Variants in CDH18 observed in about 807,000 individuals in gnomAD.
CDH18 encodes the protein cadherin 18, also known as cadherin-18.
CDH18 carries 31 observed loss-of-function variants against 67.9 expected under a neutral mutation model. That is an observed-to-expected ratio of 0.46 (90% CI 0.34 to 0.62). The LOEUF is 0.62. Ranked by LOEUF, CDH18 falls within the 20% of genes least tolerant of loss-of-function variation. The pLI is 0.01. For synonymous variants in CDH18, 362 were observed against 347.2 expected, an observed-to-expected ratio of 1.04 and a Z score of -0.48; for missense variants, 890 against 975.5, an observed-to-expected ratio of 0.91 and a Z score of 1.17.
At chr5:19,927,824 T>G (rs1793258625) in intron 2 of CDH18, among the ~76,000 whole-genome samples, 1 of 152,276 alleles carries the variant, frequency 6.6e-6, no homozygotes, top group Admixed American at 6.5e-5. Flanking sequence ...ATTTATTCAT[T>G]TAGGGAGCTT....
chr5:19,934,109 C>T lies in CDH18; in HGVS notation c.-257+46951G>A, dbSNP rs182892393. 4.6e-4 allele frequency among the ~76,000 whole-genome samples: 68 copies of T among 149,022 alleles called. 2 individuals are homozygous for T. In the East Asian group the frequency reaches 0.013, roughly 28 times the overall value. On this transcript the variant is annotated intron_variant, in intron 2 of 12. Coordinates refer to ENST00000382275, the MANE Select transcript of CDH18 (RefSeq NM_004934.5). ...TTGTAAATCCTAGTACTTAGGACAA[C>T]AGGTGGTAAAAATGTGTTATCAAAG...
Position 20,296,632 on chromosome 5 carries a change from G to A in CDH18, c.-579-41127C>T, listed in dbSNP as rs1036132705. On this transcript the variant is annotated intron_variant, in intron 1 of 14. Transcript: ENST00000507958. ...GCAATCAATTTCTTTTACCTTAAAT[G>A]TACAGTTATAATCTAGTAAACTATG... 2.7e-4 allele frequency among the ~76,000 whole-genome samples: 41 copies of A among 151,974 alleles called. No individual in the cohort carries two copies. The East Asian group carries it at 6.0e-3, about 22-fold the overall frequency.
At chr5:19,924,878 T>C (rs1408153305) in intron 2 of CDH18, among the ~76,000 whole-genome samples, 1 of 152,082 alleles carries the variant, frequency 6.6e-6, no homozygotes, top group Non-Finnish European at 1.5e-5. Context: ...CAACATCCTG[T>C]GCCCTCTTCT....
intron 7 of CDH18, among the ~76,000 whole-genome samples, chr5:19,576,401 A>G (rs956508133): frequency 6.6e-6 from 1 of 152,108 alleles, no homozygotes; most frequent in African/African-American, 2.4e-5. Flanking sequence ...CAAAAAAAAA[A>G]TACAAATCAC....
At position 20,492,723 on chromosome 5, in the gene CDH18, CAT is replaced by C. The variant is rs369476671; in HGVS notation, c.-580+82737_-580+82738del. On this transcript the variant is annotated intron_variant, in intron 1 of 14. Transcript: ENST00000507958. The stretch of plus-strand genomic sequence containing the variant: ...TATAATTACACAATTGACACATACT[CAT>C]ATTAGAATACTGTATATAAAAGAAT... Among the ~76,000 whole-genome samples, 312 of 152,244 alleles carry C rather than the reference CAT, an allele frequency of 2.0e-3. 4 individuals are homozygous for C. Among genetic ancestry groups the C allele is most frequent in the African/African-American group, 7.4e-3 (306 of 41,564 alleles).
At chr5:20,280,391 A>G (rs1163082289) in intron 1 of CDH18, among the ~76,000 whole-genome samples, 1 of 151,996 alleles carries the variant, frequency 6.6e-6, no homozygotes, top group African/African-American at 2.4e-5. Flanking sequence ...CTGGTGTGTG[A>G]TGTTCCCCTT....
intron 2 of CDH18, among the ~76,000 whole-genome samples, chr5:20,116,113 C>T (rs569679482): frequency 6.8e-4 from 103 of 152,206 alleles, no homozygotes; most frequent in African/African-American, 2.4e-3. Context: ...CTATAGAGTT[C>T]CTTTCTGTGA....
At chr5:20,262,936 AAG>A (rs1388128377) in intron 1 of CDH18, among the ~76,000 whole-genome samples, 1 of 146,284 alleles carries the variant, frequency 6.8e-6, no homozygotes, top group Non-Finnish European at 1.5e-5. Context: ...AGAAGAGAGA[AAG>A]AGAAAAAGAA....
intron 2 of CDH18, among the ~76,000 whole-genome samples, chr5:20,135,323 G>A (rs1019543824): frequency 6.6e-6 from 1 of 152,134 alleles, no homozygotes; most frequent in African/African-American, 2.4e-5. Flanking sequence ...TCTTGGGAGG[G>A]TGTATGTGTC....
At chr5:20,005,827 T>C (rs540359017) in intron 2 of CDH18, among the ~76,000 whole-genome samples, 1 of 152,154 alleles carries the variant, frequency 6.6e-6, no homozygotes, top group East Asian at 1.9e-4. Context: ...GCTTCTTCAG[T>C]AAAGATGTCT....
intron 4 of CDH18, among the ~76,000 whole-genome samples, chr5:19,734,604 A>G (rs1768054818): frequency 1.3e-5 from 2 of 152,172 alleles, no homozygotes; most frequent in African/African-American, 4.8e-5. Flanking sequence ...CTTCAATTTA[A>G]TAAGTTGTCC....
At chr5:20,376,172 C>T (rs1350668995) in intron 1 of CDH18, among the ~76,000 whole-genome samples, 1 of 133,308 alleles carries the variant, frequency 7.5e-6, no homozygotes, top group East Asian at 2.5e-4. Flanking sequence ...CGGCTCACTG[C>T]AGGCTCCGCC....
chr5:20,194,408 A>G (rs1343372987), intron 2 of CDH18, among the ~76,000 whole-genome samples: 1 of 152,096 alleles, frequency 6.6e-6, no homozygotes, highest in East Asian at 1.9e-4. Flanking sequence ...TACTCTAAGC[A>G]TGGAACACCA....
intron 3 of CDH18, among the ~76,000 whole-genome samples, chr5:19,754,176 T>C (rs962759737): frequency 2.0e-5 from 3 of 152,114 alleles, no homozygotes; most frequent in African/African-American, 7.2e-5. Context: ...TAACATTGAA[T>C]GTAAATTGCC....
intron 5 of CDH18, among the ~76,000 whole-genome samples, chr5:19,652,191 C>T (rs889483677): frequency 1.3e-5 from 2 of 151,372 alleles, no homozygotes; most frequent in Admixed American, 1.3e-4. Context: ...ATGTGATATT[C>T]TTTAGAAGTC....
At chr5:20,523,669 T>G (rs1238520972) in intron 1 of CDH18, among the ~76,000 whole-genome samples, 1 of 152,116 alleles carries the variant, frequency 6.6e-6, no homozygotes, top group African/African-American at 2.4e-5. Context: ...GCCTCCCAAG[T>G]AGCTGGGTTA....
intron 2 of CDH18, among the ~76,000 whole-genome samples, chr5:20,170,185 A>AC (rs1342270273): frequency 7.4e-6 from 1 of 135,246 alleles, no homozygotes; most frequent in East Asian, 2.1e-4. Context: ...TTCTTACCCC[A>AC]CCCCCCGACA....
chr5:20,111,926 C>T (rs1179704330), intron 2 of CDH18, among the ~76,000 whole-genome samples: 1 of 152,132 alleles, frequency 6.6e-6, no homozygotes, highest in Non-Finnish European at 1.5e-5. Flanking sequence ...TTACACTTGT[C>T]AGTAAAGTAG....
chr5:19,944,592 C>T (rs1215922591), intron 2 of CDH18, among the ~76,000 whole-genome samples: 3 of 152,084 alleles, frequency 2.0e-5, no homozygotes, highest in African/African-American at 7.2e-5. Context: ...CTGTCCTCTG[C>T]CTATTGCACT....
Sources: gnomAD v4.1 joint callset for allele counts (sites outside exome capture counted in the v4.1 genomes callset) on GRCh38, gnomAD v4.1.1 for gene constraint, MANE v1.5 for transcripts, NCBI Gene and HGNC (gene_info 2026-07-23, HGNC 2026-07-21) for gene names.